The following MYO5B variants were observed in gnomAD, a reference collection of about 807,000 sequenced individuals.
MYO5B encodes myosin VB.
Under a neutral mutation model 229.3 loss-of-function variants are expected in MYO5B, and 143 were observed. The ratio of observed to expected loss-of-function variants is 0.62; its 90% CI spans 0.54 to 0.72. The LOEUF is 0.72. Ranked by LOEUF, MYO5B falls within the 30% of genes least tolerant of loss-of-function variation. The pLI is 0.00. For missense variants in MYO5B, 2,321 were observed against 2,331.0 expected (o/e 1.00, Z 0.09); for synonymous variants, 918 against 885.2 (o/e 1.04, Z -0.66).
At chr18:49,888,753 C>A (rs1334625986) in intron 22 of MYO5B, among the ~76,000 whole-genome samples, 3 of 152,230 alleles carry the variant, frequency 2.0e-5, no homozygotes. Context: ...GAATGTTTCA[C>A]TGTTCCTTCT....
chr18:49,953,967 ATGTGTG>A (rs1240962514), intron 13 of MYO5B, among the ~76,000 whole-genome samples: 1 of 65,150 alleles, frequency 1.5e-5, no homozygotes, highest in Non-Finnish European at 3.0e-5. Context: ...GTGTGTGTGT[ATGTGTG>A]TGTGTATAGA....
chr18:50,024,027 A>G (rs1243680919), intron 4 of MYO5B, among the ~76,000 whole-genome samples: 1 of 152,246 alleles, frequency 6.6e-6, no homozygotes, highest in Non-Finnish European at 1.5e-5. Context: ...ACAAAATTGT[A>G]GAAGTGACAA....
intron 1 of MYO5B, among the ~76,000 whole-genome samples, chr18:50,180,730 T>G (rs8089221): frequency 0.012 from 1,804 of 152,344 alleles, 28 homozygotes; most frequent in African/African-American, 0.037. Flanking sequence ...CTCTATGAAT[T>G]TGACCATTCT....
chr18:50,118,602 T>G (rs573825716), intron 1 of MYO5B, among the ~76,000 whole-genome samples: 165 of 151,958 alleles, frequency 1.1e-3, no homozygotes, highest in African/African-American at 3.6e-3. Flanking sequence ...GTTACATATG[T>G]ATACATGTGC....
intron 4 of MYO5B, among the ~76,000 whole-genome samples, chr18:50,009,677 A>G (rs1371975185): frequency 1.3e-5 from 2 of 152,184 alleles, no homozygotes; most frequent in Non-Finnish European, 2.9e-5. Flanking sequence ...TTTGGGCTCA[A>G]AACAGAGCCA....
At position 49,851,494 on chromosome 18, in the gene MYO5B, C is replaced by A. The variant is rs141773679; in HGVS notation, c.4222-1834G>T. On this transcript the variant is annotated intron_variant, in intron 31 of 39. Coordinates refer to ENST00000285039, the MANE Select transcript of MYO5B (RefSeq NM_001080467.3). The stretch of plus-strand genomic sequence containing the variant: ...ACAAATAAAGGGAACATAGTGCTGG[C>A]CACAGTGGTTGTAAACTTGTGGAGA... 3.0e-4 allele frequency among the ~76,000 whole-genome samples: 45 copies of A among 152,338 alleles called. No individual in the cohort carries two copies. The East Asian group carries it at 8.5e-3, about 29-fold the overall frequency.
At chr18:49,834,013 G>A (rs146387795) in intron 39 of MYO5B, among the ~76,000 whole-genome samples, 226 of 152,206 alleles carry the variant, frequency 1.5e-3, no homozygotes, top group African/African-American at 5.2e-3. Context: ...CTTCCCAGAC[G>A]TTCCCTCTGT....
intron 19 of MYO5B, among the ~76,000 whole-genome samples, chr18:49,905,039 T>C (rs2024884545): frequency 6.6e-6 from 1 of 152,182 alleles, no homozygotes; most frequent in Non-Finnish European, 1.5e-5. Flanking sequence ...AGTTCTTTCC[T>C]TATGGTCTCG....
chr18:50,107,485 G>C (rs796743931), intron 1 of MYO5B, among the ~76,000 whole-genome samples: 13 of 152,276 alleles, frequency 8.5e-5, no homozygotes, highest in African/African-American at 2.4e-4. Context: ...CTTCAATTAA[G>C]ATTGTGTTTC....
At chr18:50,085,626 T>A (rs1287839306) in intron 1 of MYO5B, among the ~76,000 whole-genome samples, 100 of 152,314 alleles carry the variant, frequency 6.6e-4, no homozygotes, top group Admixed American at 1.5e-3. Context: ...ATATGTTTTT[T>A]GCGGCACTAT....
At chr18:50,051,098 T>G (rs541593641) in intron 2 of MYO5B, among the ~76,000 whole-genome samples, 4 of 152,356 alleles carry the variant, frequency 2.6e-5, no homozygotes, top group African/African-American at 9.6e-5. Flanking sequence ...TATTGGCAGC[T>G]GGATAGAAAC....
At chr18:50,023,025 G>A (rs1260918667) in intron 4 of MYO5B, among the ~76,000 whole-genome samples, 1 of 151,990 alleles carries the variant, frequency 6.6e-6, no homozygotes, top group Non-Finnish European at 1.5e-5. Context: ...GATGGGAGGT[G>A]GAATTTGCTG....
intron 17 of MYO5B, among the ~76,000 whole-genome samples, chr18:49,929,272 C>G (rs1487140107): frequency 1.3e-5 from 2 of 152,194 alleles, no homozygotes; most frequent in African/African-American, 4.8e-5. Context: ...CACCAAAAAT[C>G]TGAAATCTGA....
intron 1 of MYO5B, among the ~76,000 whole-genome samples, chr18:50,144,133 C>G (rs146023088): frequency 1.7e-3 from 266 of 152,146 alleles, no homozygotes; most frequent in Non-Finnish European, 3.0e-3. Flanking sequence ...TCTGCCCCAC[C>G]CCCCTTAGAA....
intron 31 of MYO5B, chr18:49,850,195 C>A (rs1598831401): frequency 5.3e-6 from 1 of 189,206 alleles, no homozygotes; most frequent in East Asian, 1.3e-4. Flanking sequence ...GAACAGCAAG[C>A]CGCTGAGGGA....
intron 14 of MYO5B, among the ~76,000 whole-genome samples, chr18:49,950,992 G>A (rs1266410801): frequency 2.0e-5 from 3 of 152,086 alleles, no homozygotes; most frequent in Non-Finnish European, 4.4e-5. Flanking sequence ...TTTCCTTCTG[G>A]GAGTTTGGAA....
At chr18:49,855,468 C>T (rs570318627) in intron 30 of MYO5B, among the ~76,000 whole-genome samples, 14 of 152,276 alleles carry the variant, frequency 9.2e-5, no homozygotes, top group South Asian at 8.3e-4. Context: ...TGGAGAGGCA[C>T]GAGGAATCAC....
In MYO5B at chr18:49,896,060, C is replaced by T. The variant is rs9962255; in HGVS notation, c.2812-886G>A. Among the ~76,000 whole-genome samples, 1,206 of 152,266 alleles carry T rather than the reference C, an allele frequency of 7.9e-3. 11 individuals carry two copies. Among genetic ancestry groups the T allele is most frequent in the African/African-American group, 0.027 (1,108 of 41,560 alleles). ...GGAGCGCCAGGCAGAACAGAGCTAG[C>T]GGCCAAATCACCGATAAGCTGGAGC... On this transcript the variant is annotated intron_variant, in intron 21 of 39. Coordinates refer to ENST00000285039, the MANE Select transcript of MYO5B (RefSeq NM_001080467.3).
At chr18:50,026,937 C>T (rs1300821338) in intron 4 of MYO5B, among the ~76,000 whole-genome samples, 2 of 152,204 alleles carry the variant, frequency 1.3e-5, no homozygotes, top group Non-Finnish European at 2.9e-5. Context: ...GAACTTAAGC[C>T]AGTCTCGTTA....
Sources: gnomAD v4.1 joint callset for allele counts (sites outside exome capture counted in the v4.1 genomes callset) on GRCh38, gnomAD v4.1.1 for gene constraint, MANE v1.5 for transcripts, NCBI Gene and HGNC (gene_info 2026-07-23, HGNC 2026-07-21) for gene names.